NXPH1: variants seen among roughly 807,000 people sequenced by gnomAD.
The protein encoded by NXPH1 is neurexophilin 1, also known as neurexophilin-1.
NXPH1 carries 5 observed loss-of-function variants against 23.7 expected under a neutral mutation model. The ratio of observed to expected loss-of-function variants is 0.21; its 90% CI spans 0.11 to 0.44. NXPH1 has a LOEUF of 0.44. Among genes scored for constraint, NXPH1 ranks in the 20% least tolerant of loss-of-function variants. The pLI is 0.99. For synonymous variants in NXPH1, 144 were observed against 122.2 expected, an observed-to-expected ratio of 1.18 and a Z score of -1.18; for missense variants, 324 against 321.6, an observed-to-expected ratio of 1.01 and a Z score of -0.06.
chr7:8,509,581 T>A (rs1431438060), intron 2 of NXPH1, among the ~76,000 whole-genome samples: 1 of 152,100 alleles, frequency 6.6e-6, no homozygotes, highest in African/African-American at 2.4e-5. Context: ...TATTCCCCCT[T>A]CTTTTTCTGA....
At chr7:8,736,107 A>AT (rs775523099) in intron 2 of NXPH1, among the ~76,000 whole-genome samples, 63 of 151,796 alleles carry the variant, frequency 4.2e-4, no homozygotes, top group Non-Finnish European at 8.2e-4. Flanking sequence ...TTTTTGAAGG[A>AT]TTTTTTGTGT....
At chr7:8,578,644 A>G (rs1818799114) in intron 2 of NXPH1, among the ~76,000 whole-genome samples, 1 of 152,196 alleles carries the variant, frequency 6.6e-6, no homozygotes, top group Admixed American at 6.5e-5. Context: ...TGAACTAGGT[A>G]CTGAGGTCAT....
intron 2 of NXPH1, among the ~76,000 whole-genome samples, chr7:8,578,383 A>C (rs912441078): frequency 1.3e-5 from 2 of 152,206 alleles, no homozygotes; most frequent in African/African-American, 2.4e-5. Flanking sequence ...GTCTATATTC[A>C]CATCTCAGCC....
intron 2 of NXPH1, among the ~76,000 whole-genome samples, chr7:8,448,788 C>G (rs1208784893): frequency 7.2e-6 from 1 of 138,040 alleles, no homozygotes; most frequent in Non-Finnish European, 1.5e-5. Context: ...GCACTGCAGC[C>G]TGGAAGACAG....
At chr7:8,510,800 G>A (rs1246923046) in intron 2 of NXPH1, among the ~76,000 whole-genome samples, 5 of 152,072 alleles carry the variant, frequency 3.3e-5, no homozygotes, top group African/African-American at 4.8e-5. Context: ...TGAGGGATTA[G>A]TATATATTTA....
intron 2 of NXPH1, among the ~76,000 whole-genome samples, chr7:8,724,996 T>A (rs1780025657): frequency 6.6e-6 from 1 of 152,134 alleles, no homozygotes; most frequent in South Asian, 2.1e-4. Context: ...CAGTAACTGG[T>A]TAAGAGATCT....
At chr7:8,512,332 T>G (rs529662437) in intron 2 of NXPH1, among the ~76,000 whole-genome samples, 15 of 152,276 alleles carry the variant, frequency 9.9e-5, no homozygotes, top group Admixed American at 7.2e-4. Flanking sequence ...AATTCCATCA[T>G]TTGACAAACA....
At chr7:8,637,888 T>C (rs114631431) in intron 2 of NXPH1, among the ~76,000 whole-genome samples, 196 of 152,286 alleles carry the variant, frequency 1.3e-3, no homozygotes, top group African/African-American at 4.4e-3. Flanking sequence ...ATCAAAGAAA[T>C]TTATTTTAAA....
At chr7:8,525,325 G>T (rs1295822111) in intron 2 of NXPH1, among the ~76,000 whole-genome samples, 2 of 152,152 alleles carry the variant, frequency 1.3e-5, no homozygotes, top group East Asian at 3.8e-4. Flanking sequence ...GCATTCAAGG[G>T]GTAACTTGGG....
chr7:8,531,907 C>T (rs1400941209), intron 2 of NXPH1, among the ~76,000 whole-genome samples: 1 of 152,160 alleles, frequency 6.6e-6, no homozygotes, highest in Non-Finnish European at 1.5e-5. Context: ...ATGGTTGGAT[C>T]TTATTACCAG....
chr7:8,688,789 A>G (rs1469408847), intron 2 of NXPH1, among the ~76,000 whole-genome samples: 1 of 152,188 alleles, frequency 6.6e-6, no homozygotes, highest in African/African-American at 2.4e-5. Context: ...ATACATTTTC[A>G]TTGTATGACA....
At chr7:8,609,077 A>T (rs181125397) in intron 2 of NXPH1, among the ~76,000 whole-genome samples, 29 of 152,140 alleles carry the variant, frequency 1.9e-4, no homozygotes, top group African/African-American at 7.0e-4. Context: ...GTTTACAAGA[A>T]CCTATCAGTG....
intron 2 of NXPH1, among the ~76,000 whole-genome samples, chr7:8,497,598 T>C (rs1384684064): frequency 6.6e-6 from 1 of 152,194 alleles, no homozygotes; most frequent in Non-Finnish European, 1.5e-5. Flanking sequence ...TGATTTGCAT[T>C]TCTCTGATGG....
chr7:8,465,472 G>A (rs958278611), intron 2 of NXPH1, among the ~76,000 whole-genome samples: 3 of 152,132 alleles, frequency 2.0e-5, no homozygotes, highest in African/African-American at 7.2e-5. Flanking sequence ...AGTTGGGAAG[G>A]ATTGTATGTG....
Position 8,751,157 on chromosome 7 carries a change from T to C in NXPH1, c.204T>C (p.Asn68=). The change falls in exon 3 of 3, where the codon AAT becomes AAC. Residue 68 remains asparagine (N), a synonymous_variant. Coordinates refer to ENST00000405863, the MANE Select transcript of NXPH1 (RefSeq NM_152745.3). The surrounding 1 kb of genome is among the most constrained non-coding windows in gnomAD (Gnocchi z 4.5). ...CACAGACTTTTCGTGGCAAAGAGAA[T>C]GATACAGATTTGGACCTGAGATATG... ...LLSQTFRGKE[N]DTDLDLRYDT... 1.2e-6 allele frequency: 2 copies of C among 1,613,834 alleles called. No individual in the cohort carries two copies. Among genetic ancestry groups the C allele is most frequent in the Non-Finnish European group, 1.7e-6 (2 of 1,179,786 alleles).
intron 2 of NXPH1, among the ~76,000 whole-genome samples, chr7:8,468,623 T>C (rs546030920): frequency 2.0e-5 from 3 of 152,212 alleles, no homozygotes; most frequent in South Asian, 2.1e-4. Context: ...TTCTGTACCT[T>C]AGGATGTGTA....
At chr7:8,651,821 AT>A (rs1562443022) in intron 2 of NXPH1, among the ~76,000 whole-genome samples, 1 of 152,202 alleles carries the variant, frequency 6.6e-6, no homozygotes, top group Non-Finnish European at 1.5e-5. Context: ...TTTTCAATAC[AT>A]TTTTGAAAAT....
intron 2 of NXPH1, among the ~76,000 whole-genome samples, chr7:8,646,296 A>C (rs1205419828): frequency 5.3e-5 from 8 of 152,148 alleles, no homozygotes; most frequent in Non-Finnish European, 5.9e-5. Context: ...TGAGTGGTAA[A>C]TACAAGTGCA....
chr7:8,441,376 C>A (rs1030070185), intron 2 of NXPH1, among the ~76,000 whole-genome samples: 1 of 152,038 alleles, frequency 6.6e-6, no homozygotes, highest in Non-Finnish European at 1.5e-5. Context: ...CAGCACTAAC[C>A]CCCTCCCGGA....
Sources: gnomAD v4.1 joint callset for allele counts (sites outside exome capture counted in the v4.1 genomes callset) on GRCh38, gnomAD v4.1.1 for gene constraint, Gnocchi (gnomAD v3.1) non-coding constraint, MANE v1.5 for transcripts, NCBI Gene and HGNC (gene_info 2026-07-23, HGNC 2026-07-21) for gene names.